FAM118B: variants seen among roughly 807,000 people sequenced by gnomAD.
FAM118B encodes SIR2 antiphage like 1, also known as protein FAM118B.
In FAM118B, 24 loss-of-function variants were observed where a neutral mutation model predicts 38.5. That is an observed-to-expected ratio of 0.62 (90% confidence interval 0.45 to 0.88). The LOEUF is 0.88. Among genes scored for constraint, FAM118B ranks in the 40% least tolerant of loss-of-function variants. The pLI is 0.00. For synonymous variants in FAM118B, 138 were observed against 156.3 expected, an observed-to-expected ratio of 0.88 and a Z score of 0.87; for missense variants, 334 against 420.0, an observed-to-expected ratio of 0.80 and a Z score of 1.79.
At chr11:126,241,201 G>A in intron 4 of FAM118B, 157 bp downstream of exon 4, 1 of 706,202 alleles carries the variant, frequency 1.4e-6, no homozygotes, top group Non-Finnish European at 2.3e-6. Flanking sequence ...TCTGCGCAAT[G>A]TCTGTTTATG....
chr11:126,243,110 T>C (rs571389315), intron 4 of FAM118B, among the ~76,000 whole-genome samples: 1 of 152,292 alleles, frequency 6.6e-6, no homozygotes, highest in Admixed American at 6.5e-5. Flanking sequence ...CAAAAGGACA[T>C]ATATTGTATG....
rs548103498 is a variant in FAM118B at position 126,243,577 on chromosome 11, A to C, written c.339+2533A>C. Among the ~76,000 whole-genome samples the C allele has an allele frequency of 3.9e-5, 6 of 152,296 alleles. No homozygotes were observed. The South Asian group carries it at 1.2e-3, about 32-fold the overall frequency. ...TGAATGCAGTACCCATGAGGAAGTC[A>C]GAGTCTTCTGGGGAATGAAAGGTTG... is the stretch of plus-strand genomic sequence containing the variant. On this transcript the variant is annotated intron_variant, in intron 4 of 8. Coordinates refer to ENST00000533050, the MANE Select transcript of FAM118B (RefSeq NM_024556.4).
intron 7 of FAM118B, among the ~76,000 whole-genome samples, chr11:126,260,113 C>T (rs1950657598): frequency 6.6e-6 from 1 of 151,808 alleles, no homozygotes; most frequent in Non-Finnish European, 1.5e-5. Context: ...CTCACCACAG[C>T]CTTGACCTCC....
chr11:126,218,180 G>A (rs922497546), intron 1 of FAM118B, among the ~76,000 whole-genome samples: 1 of 152,122 alleles, frequency 6.6e-6, no homozygotes, highest in African/African-American at 2.4e-5. Flanking sequence ...TTGTTATGTG[G>A]ATATGGTGGG....
At position 126,255,337 on chromosome 11, in the gene FAM118B, G is replaced by A. The variant is rs985006050; in HGVS notation, c.696+904G>A. 6.6e-6 allele frequency among the ~76,000 whole-genome samples: 1 copy of A among 152,068 alleles called. No individual in the cohort carries two copies. Among genetic ancestry groups the A allele is most frequent in the Admixed American group, 6.5e-5 (1 of 15,274 alleles). On this transcript the variant is annotated intron_variant, in intron 6 of 8. Transcript: ENST00000533050. The surrounding 1 kb of genome is among the most constrained non-coding windows in gnomAD (Gnocchi z 4.6). ...AGATTATAGCATCTTTTAATAATGA[G>A]GCAAAAGACCGAGAAAATGTATTGT... is the stretch of plus-strand genomic sequence containing the variant.
intron 1 of FAM118B, among the ~76,000 whole-genome samples, chr11:126,219,943 AG>A (rs559980977): frequency 6.6e-5 from 10 of 151,584 alleles, no homozygotes; most frequent in African/African-American, 2.4e-4. Context: ...TTTTTTTTAA[AG>A]GGGGGGCTTA....
At chr11:126,216,273 G>A (rs1308989640) in intron 1 of FAM118B, among the ~76,000 whole-genome samples, 1 of 152,070 alleles carries the variant, frequency 6.6e-6, no homozygotes, top group Admixed American at 6.5e-5. Context: ...CTACTTGGGA[G>A]GCTGAGGTAG....
chr11:126,258,350 G>C lies in FAM118B; in HGVS notation c.982+1498G>C, dbSNP rs1185611524. ...TGCAGTGAGCTATGATTGCATCACT[G>C]CCCTACAGTCTGAGCAATAAAGCAA... On this transcript the variant is annotated intron_variant, in intron 7 of 8. Transcript: ENST00000533050. Among the ~76,000 whole-genome samples, 3 of 152,152 alleles carry C rather than the reference G, an allele frequency of 2.0e-5. No homozygotes were observed. The East Asian group carries it at 5.8e-4, about 29-fold the overall frequency.
intron 1 of FAM118B, among the ~76,000 whole-genome samples, chr11:126,228,805 C>T (rs1373279368): frequency 2.0e-5 from 3 of 151,738 alleles, no homozygotes; most frequent in Admixed American, 6.6e-5. Flanking sequence ...TTGATCCACC[C>T]GCCTTGGCCC....
intron 4 of FAM118B, among the ~76,000 whole-genome samples, chr11:126,243,571 G>A (rs1950384341): frequency 2.0e-5 from 3 of 152,128 alleles, no homozygotes; most frequent in Admixed American, 1.3e-4. Flanking sequence ...TACCCATGAG[G>A]AAGTCAGAGT....
At chr11:126,226,070 T>C (rs892986043) in intron 1 of FAM118B, among the ~76,000 whole-genome samples, 1 of 151,638 alleles carries the variant, frequency 6.6e-6, no homozygotes, top group Non-Finnish European at 1.5e-5. Flanking sequence ...AAAAGGAACA[T>C]GGCGCAAGTT....
chr11:126,262,233 A>G lies in FAM118B; in HGVS notation c.*100A>G. On this transcript the variant is annotated 3_prime_UTR_variant, in exon 9 of 9. Transcript: ENST00000533050. ...TACAAGAACCCAACACAATTCCCAG[A>G]AAGTAACAATAGCCAGAGGTTGAAG... 3.0e-6 allele frequency: 4 copies of G among 1,349,220 alleles called. No individual in the cohort carries two copies. The highest frequency in any genetic ancestry group is 4.2e-6 in the Non-Finnish European group (4 of 944,732). The allele number at this position is 1,349,220 out of a possible 1,614,324, so 83.6% of individuals were successfully genotyped here. A position where few individuals can be genotyped will look rare whatever the true frequency, so the allele number is the denominator to read the frequency against.
intron 7 of FAM118B, among the ~76,000 whole-genome samples, chr11:126,257,605 A>ATTTTT (rs5795488): frequency 5.4e-4 from 76 of 140,932 alleles, no homozygotes; most frequent in African/African-American, 1.9e-3. Flanking sequence ...AGAATTGTAC[A>ATTTTT]TTTTTTTTTT....
At chr11:126,237,607 T>G (rs1591514300) in intron 3 of FAM118B, among the ~76,000 whole-genome samples, 1 of 115,248 alleles carries the variant, frequency 8.7e-6, no homozygotes, top group African/African-American at 3.3e-5. Flanking sequence ...GAGGCTGAGG[T>G]GGGCAGATCG....
At chr11:126,223,196 G>A (rs1334066065) in intron 1 of FAM118B, among the ~76,000 whole-genome samples, 1 of 152,114 alleles carries the variant, frequency 6.6e-6, no homozygotes, top group Non-Finnish European at 1.5e-5. Context: ...GTGGATGCCG[G>A]ACACTGGATC....
intron 2 of FAM118B, among the ~76,000 whole-genome samples, chr11:126,230,658 C>T (rs779188092): frequency 2.0e-5 from 3 of 152,236 alleles, no homozygotes; most frequent in South Asian, 2.1e-4. Flanking sequence ...TGATTTATTT[C>T]GTCTGCTAAT....
intron 1 of FAM118B, among the ~76,000 whole-genome samples, chr11:126,221,498 G>A (rs1040851644): frequency 2.0e-5 from 3 of 152,004 alleles, no homozygotes; most frequent in Non-Finnish European, 4.4e-5. Flanking sequence ...GTTGTTGAAC[G>A]GTTTTTTGGT....
At chr11:126,238,755 A>G (rs995252727) in intron 3 of FAM118B, among the ~76,000 whole-genome samples, 1 of 152,138 alleles carries the variant, frequency 6.6e-6, no homozygotes, top group Admixed American at 6.5e-5. Flanking sequence ...TTAGATGTAC[A>G]TGAACATTCC....
rs1001798960 is a variant in FAM118B at position 126,228,973 on chromosome 11, A to C, written c.-76-252A>C. Reference sequence around the variant, plus strand: ...TATGTTGTGTTTACTCTGTTGACATAAAAGTAAGCTACTGAGGGTTATTTC... The same window carrying C: ...TATGTTGTGTTTACTCTGTTGACATCAAAGTAAGCTACTGAGGGTTATTTC... On this transcript the variant is annotated intron_variant, in intron 1 of 8. Coordinates refer to ENST00000533050, the MANE Select transcript of FAM118B (RefSeq NM_024556.4). Among the ~76,000 whole-genome samples the C allele has an allele frequency of 2.0e-5, 3 of 152,242 alleles. No individual in the cohort carries two copies. In the South Asian group the frequency reaches 6.2e-4, roughly 31 times the overall value.
Sources: allele counts gnomAD v4.1 joint callset (sites outside exome capture counted in the v4.1 genomes callset), GRCh38; gene constraint gnomAD v4.1.1; non-coding constraint Gnocchi (gnomAD v3.1); transcripts MANE v1.5; gene names NCBI Gene and HGNC (gene_info 2026-07-23, HGNC 2026-07-21).